Variants in POU2AF2 observed in about 807,000 individuals in gnomAD.
POU2AF2 encodes POU class 2 homeobox associating factor 2.
chr11:111,273,267 C>T, the POU2AF2 span, among the ~76,000 whole-genome samples: 16 of 152,096 alleles, frequency 1.1e-4, no homozygotes, highest in Admixed American at 9.8e-4. Context: ...AACATCAGTG[C>T]CCATTTAAAG....
At chr11:111,285,544 G>A in the POU2AF2 span, 1 of 1,182,338 alleles carries the variant, frequency 8.5e-7, no homozygotes, top group Non-Finnish European at 1.2e-6. Flanking sequence ...GCTTCAGGCA[G>A]CAGAGAGAGG....
At chr11:111,272,846 G>A in the POU2AF2 span, among the ~76,000 whole-genome samples, 1 of 152,114 alleles carries the variant, frequency 6.6e-6, no homozygotes, top group African/African-American at 2.4e-5. Flanking sequence ...CTGAAGAAGA[G>A]CTGTGCTTTC....
the POU2AF2 span, among the ~76,000 whole-genome samples, chr11:111,273,442 T>A: frequency 6.6e-6 from 1 of 152,180 alleles, no homozygotes; most frequent in Non-Finnish European, 1.5e-5. Flanking sequence ...ATGATGACAA[T>A]GAAAAATTAA....
At chr11:111,259,540 T>A in the POU2AF2 span, among the ~76,000 whole-genome samples, 7 of 152,120 alleles carry the variant, frequency 4.6e-5, no homozygotes, top group Non-Finnish European at 7.4e-5. Context: ...GGTCTTGAAC[T>A]CCTGACCTCA....
At chr11:111,265,136 T>C in the POU2AF2 span, among the ~76,000 whole-genome samples, 2 of 152,226 alleles carry the variant, frequency 1.3e-5, no homozygotes, top group African/African-American at 2.4e-5. Flanking sequence ...AGCAATTCCC[T>C]GTGACGTGCA....
chr11:111,255,797 GTC>G, the POU2AF2 span, among the ~76,000 whole-genome samples: 1 of 152,110 alleles, frequency 6.6e-6, no homozygotes, highest in Non-Finnish European at 1.5e-5. Flanking sequence ...GCTTAGATGA[GTC>G]TCTATCAAAG....
the POU2AF2 span, among the ~76,000 whole-genome samples, chr11:111,264,577 G>GAAAGAAAGAAGGA: frequency 4.4e-5 from 1 of 22,930 alleles, no homozygotes; most frequent in African/African-American, 1.5e-4. Context: ...AGAAAGAAAG[G>GAAAGAAAGAAGGA]GAGAGAGAAA....
chr11:111,250,978 G>T, the POU2AF2 span, among the ~76,000 whole-genome samples: 26 of 152,136 alleles, frequency 1.7e-4, no homozygotes, highest in Admixed American at 3.9e-4. Flanking sequence ...GAGGACTTTG[G>T]TTCTTCCTGT....
chr11:111,279,153 G>A, the POU2AF2 span, among the ~76,000 whole-genome samples: 12 of 152,116 alleles, frequency 7.9e-5, no homozygotes, highest in East Asian at 1.9e-4. Context: ...GACTCTACAC[G>A]CCTAGATACT....
At chr11:111,276,227 C>A in the POU2AF2 span, among the ~76,000 whole-genome samples, 1 of 151,334 alleles carries the variant, frequency 6.6e-6, no homozygotes, top group Non-Finnish European at 1.5e-5. Context: ...ACTTGAAGAA[C>A]CTCAAAGACC....
the POU2AF2 span, among the ~76,000 whole-genome samples, chr11:111,270,780 C>T: frequency 6.6e-6 from 1 of 152,150 alleles, no homozygotes. Flanking sequence ...GCCAGCAGTC[C>T]TCAGCACCTA....
chr11:111,253,506 C>T, the POU2AF2 span, among the ~76,000 whole-genome samples: 4 of 152,216 alleles, frequency 2.6e-5, no homozygotes, highest in Admixed American at 2.0e-4. Context: ...CTTCTTCTCT[C>T]TCATGTTTAA....
the POU2AF2 span, among the ~76,000 whole-genome samples, chr11:111,279,657 C>T: frequency 1.3e-5 from 2 of 152,134 alleles, no homozygotes; most frequent in Non-Finnish European, 2.9e-5. Flanking sequence ...TTAGGACCCA[C>T]CCTAATTTAA....
At chr11:111,259,133 G>T in the POU2AF2 span, among the ~76,000 whole-genome samples, 1 of 152,130 alleles carries the variant, frequency 6.6e-6, no homozygotes, top group Non-Finnish European at 1.5e-5. Context: ...TGTATGTAAG[G>T]ACAGTTTAAA....
At chr11:111,252,900 T>A in the POU2AF2 span, among the ~76,000 whole-genome samples, 1 of 152,132 alleles carries the variant, frequency 6.6e-6, no homozygotes, top group African/African-American at 2.4e-5. Flanking sequence ...GTCTACCTCC[T>A]CCATTGACAT....
At chr11:111,285,653 A>AG in the POU2AF2 span, 889 of 1,610,952 alleles carry the variant, frequency 5.5e-4, no homozygotes, top group Admixed American at 1.3e-3. Flanking sequence ...TTCTCCTCAG[A>AG]GGGACTCATG....
chr11:111,276,450 AAAAATATAT>A, the POU2AF2 span, among the ~76,000 whole-genome samples: 9 of 43,618 alleles, frequency 2.1e-4, no homozygotes, highest in Admixed American at 1.2e-3. Context: ...AAAAAAAAAA[AAAAATATAT>A]ATATATATAT....
the POU2AF2 span, among the ~76,000 whole-genome samples, chr11:111,264,002 T>C: frequency 3.9e-5 from 6 of 152,228 alleles, no homozygotes; most frequent in Admixed American, 2.6e-4. Flanking sequence ...TGAGGAGTGA[T>C]GTTTGTTAGA....
chr11:111,280,766 G>A, the POU2AF2 span, among the ~76,000 whole-genome samples: 2 of 152,046 alleles, frequency 1.3e-5, no homozygotes, highest in African/African-American at 2.4e-5. Flanking sequence ...AAAAGTAAAC[G>A]TTCTCAACTT....
Sources: allele counts gnomAD v4.1 joint callset (sites outside exome capture counted in the v4.1 genomes callset), GRCh38; gene constraint gnomAD v4.1.1; transcripts MANE v1.5; gene names NCBI Gene and HGNC (gene_info 2026-07-23, HGNC 2026-07-21).